The following GLRA3 variants were observed in gnomAD, a reference collection of about 807,000 sequenced individuals.
GLRA3 encodes the protein glycine receptor subunit alpha-3.
Under a neutral mutation model 60.4 loss-of-function variants are expected in GLRA3, and 44 were observed. The observed-to-expected ratio is 0.73, with a 90% CI of 0.57 to 0.94. The LOEUF (loss-of-function observed/expected upper bound fraction) is 0.94, where lower values mean the gene tolerates loss of function less well. Among genes scored for constraint, GLRA3 ranks in the 40% least tolerant of loss-of-function variants. GLRA3 has a pLI of 0.00. For synonymous variants in GLRA3, 223 were observed against 192.9 expected (o/e 1.16, Z -1.29); for missense variants, 508 against 564.6 (o/e 0.90, Z 1.02).
intron 7 of GLRA3, among the ~76,000 whole-genome samples, chr4:174,660,965 A>C (rs1431745301): frequency 6.6e-6 from 1 of 152,084 alleles, no homozygotes; most frequent in Non-Finnish European, 1.5e-5. Flanking sequence ...TTATTTGAGC[A>C]TTTCCTCACT....
intron 5 of GLRA3, among the ~76,000 whole-genome samples, chr4:174,707,078 T>A (rs954821171): frequency 3.3e-5 from 5 of 152,186 alleles, no homozygotes; most frequent in African/African-American, 1.2e-4. Context: ...GTTATTCTTA[T>A]AAGCAAGGAT....
At chr4:174,717,956 T>C (rs1735985973) in intron 4 of GLRA3, among the ~76,000 whole-genome samples, 1 of 152,204 alleles carries the variant, frequency 6.6e-6, no homozygotes, top group South Asian at 2.1e-4. Flanking sequence ...CTCAGAATCT[T>C]TTCCATGCTC....
intron 3 of GLRA3, among the ~76,000 whole-genome samples, chr4:174,761,547 A>G (rs1737944937): frequency 1.3e-5 from 2 of 152,144 alleles, no homozygotes; most frequent in African/African-American, 4.8e-5. Context: ...GGTTTATTTT[A>G]TGGGCACTGG....
In GLRA3 at chr4:174,643,995, C is replaced by G; in HGVS notation, c.1186G>C (p.Asp396His). Residue 396 changes from aspartate (D) to histidine (H), a missense_variant, in exon 10 of 10, where the codon GAT becomes CAT. Transcript: ENST00000274093. The part of the protein sequence containing the change: ...YGMGPCLQAK[D>H]GMTPKGPNHP... Reference sequence around the variant, plus strand: ...TTGGGGCCCTTTGGAGTCATGCCATCCTTTGCTTGTAGACATGGTCCCATT... The same window carrying G: ...TTGGGGCCCTTTGGAGTCATGCCATGCTTTGCTTGTAGACATGGTCCCATT... 6.2e-7 allele frequency: 1 copy of G among 1,613,860 alleles called. No homozygotes were observed. Among genetic ancestry groups the G allele is most frequent in the Non-Finnish European group, 8.5e-7 (1 of 1,179,908 alleles).
At chr4:174,770,800 G>C (rs992858750) in intron 2 of GLRA3, among the ~76,000 whole-genome samples, 5 of 151,904 alleles carry the variant, frequency 3.3e-5, no homozygotes, top group Non-Finnish European at 7.4e-5. Context: ...TGTAAGATGA[G>C]AGCAGTGTGT....
chr4:174,721,084 G>A (rs1030331620), intron 4 of GLRA3, among the ~76,000 whole-genome samples: 4 of 151,494 alleles, frequency 2.6e-5, no homozygotes, highest in East Asian at 2.0e-4. Context: ...GCTGGAGTGC[G>A]GTGGTGTGAT....
At chr4:174,783,017 C>T (rs981854394) in intron 2 of GLRA3, among the ~76,000 whole-genome samples, 1 of 152,178 alleles carries the variant, frequency 6.6e-6, no homozygotes, top group African/African-American at 2.4e-5. Context: ...CCAACTCAAT[C>T]CTAAGCCAAA....
chr4:174,706,040 T>C (rs1380019078), intron 5 of GLRA3, among the ~76,000 whole-genome samples: 1 of 151,936 alleles, frequency 6.6e-6, no homozygotes, highest in Non-Finnish European at 1.5e-5. Flanking sequence ...CCATCCTGTG[T>C]AACATGGTGA....
intron 4 of GLRA3, among the ~76,000 whole-genome samples, chr4:174,717,722 G>A (rs1320880532): frequency 6.6e-6 from 1 of 152,216 alleles, no homozygotes; most frequent in Non-Finnish European, 1.5e-5. Flanking sequence ...GGTTAAGTAT[G>A]ATTGTGTAAT....
At chr4:174,735,791 A>G (rs1354012513) in intron 3 of GLRA3, among the ~76,000 whole-genome samples, 2 of 152,012 alleles carry the variant, frequency 1.3e-5, no homozygotes, top group Admixed American at 6.6e-5. Flanking sequence ...GGAACTCCTG[A>G]CCTCAGGTGA....
intron 6 of GLRA3, among the ~76,000 whole-genome samples, chr4:174,681,876 C>T (rs1040900375): frequency 6.6e-6 from 1 of 152,140 alleles, no homozygotes; most frequent in African/African-American, 2.4e-5. Context: ...TAAACTTGAA[C>T]TCCCTAATAA....
At chr4:174,698,532 T>G (rs945895714) in intron 5 of GLRA3, among the ~76,000 whole-genome samples, 1 of 152,144 alleles carries the variant, frequency 6.6e-6, no homozygotes, top group Non-Finnish European at 1.5e-5. Flanking sequence ...TACCACTATT[T>G]ATTTGTAAGA....
intron 6 of GLRA3, among the ~76,000 whole-genome samples, chr4:174,681,151 C>T (rs1734326979): frequency 6.6e-6 from 1 of 152,156 alleles, no homozygotes; most frequent in Non-Finnish European, 1.5e-5. Flanking sequence ...CCATTCCTTG[C>T]TTATAGTAGG....
At chr4:174,691,936 T>A (rs1321491382) in intron 5 of GLRA3, among the ~76,000 whole-genome samples, 1 of 151,044 alleles carries the variant, frequency 6.6e-6, no homozygotes, top group African/African-American at 2.4e-5. Flanking sequence ...CCATCCCATC[T>A]AGGAAGTGAG....
chr4:174,644,183 T>C (rs373319986), intron 9 of GLRA3, 119 bp from the exon 10 acceptor site: 1 of 662,746 alleles, frequency 1.5e-6, no homozygotes, highest in African/African-American at 1.8e-5. Flanking sequence ...AAGGAAAAGA[T>C]AACCGAAGCA....
At chr4:174,792,468 A>G (rs1282592167) in intron 1 of GLRA3, among the ~76,000 whole-genome samples, 1 of 152,192 alleles carries the variant, frequency 6.6e-6, no homozygotes, top group Non-Finnish European at 1.5e-5. Context: ...TTACCTCCAA[A>G]TAAAGTCATG....
chr4:174,692,039 C>T (rs1218967261), intron 5 of GLRA3, among the ~76,000 whole-genome samples: 15 of 152,076 alleles, frequency 9.9e-5, no homozygotes, highest in Non-Finnish European at 1.8e-4. Flanking sequence ...CTCTACCCGG[C>T]CACCACCCCG....
intron 5 of GLRA3, among the ~76,000 whole-genome samples, chr4:174,684,512 G>A (rs1053312645): frequency 2.6e-5 from 4 of 152,314 alleles, no homozygotes; most frequent in Non-Finnish European, 4.4e-5. Context: ...AAGAACTGCA[G>A]ATTTTTATCT....
intron 5 of GLRA3, among the ~76,000 whole-genome samples, chr4:174,700,068 G>C (rs1272028956): frequency 6.6e-6 from 1 of 152,026 alleles, no homozygotes; most frequent in Non-Finnish European, 1.5e-5. Context: ...ATAGCCCAAG[G>C]ATATATTAAG....
Sources: allele counts gnomAD v4.1 joint callset (sites outside exome capture counted in the v4.1 genomes callset), GRCh38; gene constraint gnomAD v4.1.1; transcripts MANE v1.5; gene names NCBI Gene and HGNC (gene_info 2026-07-23, HGNC 2026-07-21).